NFIA: variants seen among roughly 807,000 people sequenced by gnomAD.
NFIA encodes the protein nuclear factor I A, also known as nuclear factor 1 A-type.
A neutral mutation model predicts 62.8 loss-of-function variants in NFIA; 8 were observed. The ratio of observed to expected loss-of-function variants is 0.13; its 90% CI spans 0.07 to 0.23. The LOEUF is 0.23. NFIA is among the 10% of genes least tolerant of loss of function. The pLI is 1.00. For missense variants in NFIA, 410 were observed against 642.1 expected, an observed-to-expected ratio of 0.64 and a Z score of 3.91; for synonymous variants, 235 against 238.1, an observed-to-expected ratio of 0.99 and a Z score of 0.12.
chr1:61,170,701 T>C (rs1649904236), intron 2 of NFIA, among the ~76,000 whole-genome samples: 2 of 152,164 alleles, frequency 1.3e-5, no homozygotes, highest in African/African-American at 4.8e-5. Context: ...TCGTGGTGTA[T>C]AGTAGGAAGC....
intron 2 of NFIA, among the ~76,000 whole-genome samples, chr1:61,145,250 C>T (rs774692529): frequency 1.3e-5 from 2 of 152,114 alleles, no homozygotes; most frequent in African/African-American, 2.4e-5. Context: ...AACATACTGC[C>T]GTATAACCTG....
chr1:61,143,701 A>G (rs1389263270), intron 2 of NFIA, among the ~76,000 whole-genome samples: 1 of 152,046 alleles, frequency 6.6e-6, no homozygotes, highest in Admixed American at 6.6e-5. Context: ...TTCATATGTT[A>G]TTTCTGATCC....
chr1:61,142,672 G>A (rs769520952), intron 2 of NFIA, among the ~76,000 whole-genome samples: 12 of 152,000 alleles, frequency 7.9e-5, no homozygotes, highest in Non-Finnish European at 1.3e-4. Flanking sequence ...TTTTCTTAAC[G>A]GTATAACTTG....
chr1:61,087,386 CTCTT>C (rs1017472628), intron 1 of NFIA, among the ~76,000 whole-genome samples: 15 of 150,836 alleles, frequency 9.9e-5, no homozygotes, highest in East Asian at 1.9e-4. Flanking sequence ...TTTTTTTTTC[CTCTT>C]TCTTCCCCCT....
chr1:61,175,316 AT>A (rs1238054349), intron 2 of NFIA, among the ~76,000 whole-genome samples: 2 of 151,848 alleles, frequency 1.3e-5, no homozygotes, highest in African/African-American at 2.4e-5. Flanking sequence ...TAATTTTTGT[AT>A]TTTTTGTAGA....
intron 2 of NFIA, among the ~76,000 whole-genome samples, chr1:61,240,074 C>T (rs1655252027): frequency 6.6e-6 from 1 of 152,050 alleles, no homozygotes; most frequent in African/African-American, 2.4e-5. Context: ...GGATCCATTT[C>T]AGCATAATGT....
intron 3 of NFIA, among the ~76,000 whole-genome samples, chr1:61,296,261 A>G (rs1428486973): frequency 1.3e-5 from 2 of 152,212 alleles, no homozygotes; most frequent in African/African-American, 4.8e-5. Flanking sequence ...TTAACCTATC[A>G]GTATTTGACT....
intron 2 of NFIA, among the ~76,000 whole-genome samples, chr1:61,113,933 C>A (rs1391625900): frequency 6.6e-6 from 1 of 152,038 alleles, no homozygotes; most frequent in Non-Finnish European, 1.5e-5. Flanking sequence ...GGTTTTTGAA[C>A]AGGGATATGA....
intron 4 of NFIA, among the ~76,000 whole-genome samples, chr1:61,338,110 G>A (rs1235670841): frequency 1.3e-5 from 2 of 152,200 alleles, no homozygotes; most frequent in African/African-American, 4.8e-5. Context: ...AGTAAACTTC[G>A]TGGCTAAGGA....
intron 10 of NFIA, among the ~76,000 whole-genome samples, chr1:61,450,383 A>C (rs542527886): frequency 4.9e-4 from 75 of 152,314 alleles, no homozygotes; most frequent in Middle Eastern, 6.8e-3. Context: ...CATTTGGGCT[A>C]AACAGTAGGC....
At position 61,264,335 on chromosome 1, in the gene NFIA, A is replaced by G. The variant is rs1382493384; in HGVS notation, c.560-13185A>G. ...TATTAAAATACATCCAGGTGACAAA[A>G]AAGAAGCTTTTAGAAAAAAAGAATT... On this transcript the variant is annotated intron_variant, in intron 2 of 10. Coordinates refer to ENST00000403491, the MANE Select transcript of NFIA (RefSeq NM_001134673.4). Among the ~76,000 whole-genome samples, 13 of 152,112 alleles carry G rather than the reference A, an allele frequency of 8.5e-5. 1 individual carries two copies. The highest frequency in any genetic ancestry group is 8.5e-4 in the Admixed American group (13 of 15,276).
At chr1:61,228,324 T>C (rs1654458507) in intron 2 of NFIA, among the ~76,000 whole-genome samples, 1 of 152,014 alleles carries the variant, frequency 6.6e-6, no homozygotes, top group Non-Finnish European at 1.5e-5. Flanking sequence ...GTGAGCAAGG[T>C]GGAGTTGCAC....
intron 10 of NFIA, among the ~76,000 whole-genome samples, chr1:61,454,335 C>T (rs1402775136): frequency 1.3e-5 from 2 of 152,190 alleles, no homozygotes; most frequent in Non-Finnish European, 2.9e-5. Flanking sequence ...CATAATTGCT[C>T]ATTCTGTCTA....
chr1:61,411,424 G>A (rs920740153), intron 9 of NFIA, among the ~76,000 whole-genome samples: 2 of 152,166 alleles, frequency 1.3e-5, no homozygotes, highest in South Asian at 2.1e-4. Flanking sequence ...ACAAATGGAA[G>A]CATAACCTGT....
chr1:61,079,977 AGT>A (rs1646075777), upstream of NFIA, among the ~76,000 whole-genome samples: 1 of 152,172 alleles, frequency 6.6e-6, no homozygotes, highest in Admixed American at 6.5e-5. Flanking sequence ...CAAAGGCTGT[AGT>A]TGGAACTGTG....
intron 4 of NFIA, among the ~76,000 whole-genome samples, chr1:61,341,060 C>CT (rs35203949): frequency 0.062 from 6,755 of 108,768 alleles, 393 homozygotes; most frequent in Admixed American, 0.15. Flanking sequence ...TACCGGCATT[C>CT]TTTTTTTTTT....
At chr1:61,412,671 C>T (rs1182394684) in intron 9 of NFIA, among the ~76,000 whole-genome samples, 3 of 152,180 alleles carry the variant, frequency 2.0e-5, no homozygotes, top group East Asian at 1.9e-4. Context: ...CTGGACTTAT[C>T]ATAATAAGCT....
Position 61,219,713 on chromosome 1 carries a change from C to CAAAA in NFIA, c.560-57797_560-57794dup, listed in dbSNP as rs749092216. On this transcript the variant is annotated intron_variant, in intron 2 of 10. Transcript: ENST00000403491. The stretch of plus-strand genomic sequence containing the variant: ...TGGGTGACAGAGCGAGACTCCGTCT[C>CAAAA]AAAAAAAAAAAAAGAAAAAAGGCGG... Among the ~76,000 whole-genome samples the CAAAA allele has an allele frequency of 4.6e-5, 5 of 107,808 alleles. 1 individual carries two copies. Among genetic ancestry groups the CAAAA allele is most frequent in the African/African-American group, 8.4e-5 (2 of 23,924 alleles). 70.7% of individuals were successfully genotyped at this position (107,808 alleles called of 152,430 possible). A position where few individuals can be genotyped will look rare whatever the true frequency, so the allele number is the denominator to read the frequency against.
At chr1:61,311,179 G>A (rs1660091488) in intron 3 of NFIA, among the ~76,000 whole-genome samples, 1 of 152,162 alleles carries the variant, frequency 6.6e-6, no homozygotes, top group Admixed American at 6.5e-5. Flanking sequence ...ATCAGCTGAG[G>A]TCGGAAGTTC....
Sources: allele counts gnomAD v4.1 joint callset (sites outside exome capture counted in the v4.1 genomes callset), GRCh38; gene constraint gnomAD v4.1.1; transcripts MANE v1.5; gene names NCBI Gene and HGNC (gene_info 2026-07-23, HGNC 2026-07-21).